Variants in ARSG observed in about 807,000 individuals in gnomAD.
ARSG encodes ASG.
Under a neutral mutation model 50.5 loss-of-function variants are expected in ARSG, and 37 were observed. The ratio of observed to expected loss-of-function variants is 0.73; its 90% CI spans 0.56 to 0.96. The LOEUF (loss-of-function observed/expected upper bound fraction) is 0.96, where lower values mean the gene tolerates loss of function less well. Among genes scored for constraint, ARSG ranks in the 50% least tolerant of loss-of-function variants. The pLI, the probability that ARSG is intolerant of heterozygous loss-of-function variation, is 0.00. For missense variants in ARSG, 629 were observed against 675.3 expected (o/e 0.93, Z 0.76); for synonymous variants, 225 against 254.6 (o/e 0.88, Z 1.11).
At chr17:68,388,665 G>A (rs1210083542) in intron 9 of ARSG, among the ~76,000 whole-genome samples, 2 of 152,144 alleles carry the variant, frequency 1.3e-5, no homozygotes, top group Admixed American at 6.5e-5. Flanking sequence ...AGTGGCTCAC[G>A]CCTGTAATCC....
At chr17:68,447,712 G>T in the ARSG span, among the ~76,000 whole-genome samples, 2,464 of 152,196 alleles carry the variant, frequency 0.016, 59 homozygotes, top group African/African-American at 0.056. Flanking sequence ...GGGATTTGGG[G>T]CCAGGTGCGG....
At chr17:68,356,004 C>T (rs994845046) in intron 5 of ARSG, among the ~76,000 whole-genome samples, 1 of 152,176 alleles carries the variant, frequency 6.6e-6, no homozygotes, top group Admixed American at 6.5e-5. Flanking sequence ...GCCTCAGCCT[C>T]CTGAGTAGCT....
intron 9 of ARSG, among the ~76,000 whole-genome samples, chr17:68,385,870 A>G (rs1026624908): frequency 2.0e-5 from 3 of 152,170 alleles, no homozygotes; most frequent in Non-Finnish European, 4.4e-5. Context: ...GATGGCCCCA[A>G]GAAAGGAGTC....
At chr17:68,264,277 C>A (rs2075118200) in intron 1 of ARSG, among the ~76,000 whole-genome samples, 1 of 152,154 alleles carries the variant, frequency 6.6e-6, no homozygotes, top group Non-Finnish European at 1.5e-5. Flanking sequence ...ACATAGAATC[C>A]ATTTTCTGTT....
chr17:68,446,207 G>T, the ARSG span, among the ~76,000 whole-genome samples: 8 of 151,626 alleles, frequency 5.3e-5, no homozygotes, highest in South Asian at 2.1e-4. Context: ...TTCAGACAGG[G>T]TCTCGTTCTG....
chr17:68,282,779 T>TAAAAAAACAAAAAAAAAAA (rs2075734299), intron 1 of ARSG, among the ~76,000 whole-genome samples: 1 of 53,398 alleles, frequency 1.9e-5, no homozygotes, highest in African/African-American at 9.3e-5. Flanking sequence ...CCATCTCTAC[T>TAAAAAAACAAAAAAAAAAA]AAAAAAAAAA....
intron 2 of ARSG, among the ~76,000 whole-genome samples, chr17:68,313,619 T>G (rs1221812693): frequency 6.6e-6 from 1 of 152,092 alleles, no homozygotes; most frequent in Non-Finnish European, 1.5e-5. Flanking sequence ...TGGATTGATA[T>G]GAAATTGAGG....
intron 1 of ARSG, among the ~76,000 whole-genome samples, chr17:68,297,731 T>C (rs532583847): frequency 7.2e-5 from 11 of 152,312 alleles, no homozygotes; most frequent in Admixed American, 2.6e-4. Context: ...CATCCCAGAG[T>C]GTTGGGATTA....
chr17:68,428,766 C>T, the ARSG span: 16 of 1,321,054 alleles, frequency 1.2e-5, no homozygotes, highest in East Asian at 2.3e-5. Flanking sequence ...TCGTTCTTGG[C>T]GAAGGGACAA....
intron 5 of ARSG, among the ~76,000 whole-genome samples, chr17:68,355,853 G>A (rs910224794): frequency 2.0e-5 from 3 of 150,606 alleles, no homozygotes; most frequent in African/African-American, 7.3e-5. Context: ...AATTAAAATT[G>A]TCCCAACCCA....
intron 1 of ARSG, among the ~76,000 whole-genome samples, chr17:68,303,159 C>G (rs1156997663): frequency 6.6e-6 from 1 of 152,184 alleles, no homozygotes; most frequent in Non-Finnish European, 1.5e-5. Context: ...GGATCTTGCT[C>G]TGTTGCCCAG....
chr17:68,364,181 T>A (rs2079431442), intron 6 of ARSG, among the ~76,000 whole-genome samples: 1 of 152,110 alleles, frequency 6.6e-6, no homozygotes, highest in Non-Finnish European at 1.5e-5. Flanking sequence ...CCCCATCCTC[T>A]TGCTCTCCTG....
chr17:68,332,218 C>T (rs2077807033), intron 2 of ARSG, among the ~76,000 whole-genome samples: 1 of 152,192 alleles, frequency 6.6e-6, no homozygotes, highest in Admixed American at 6.5e-5. Flanking sequence ...AGGGATGTTC[C>T]TTGCTGAGAA....
chr17:68,428,840 G>T, the ARSG span: 1 of 1,613,466 alleles, frequency 6.2e-7, no homozygotes, highest in South Asian at 1.1e-5. Context: ...TGTGGGTTTT[G>T]ATTAAGACAC....
chr17:68,280,201 G>T (rs868995721), intron 1 of ARSG, among the ~76,000 whole-genome samples: 3 of 109,074 alleles, frequency 2.8e-5, no homozygotes, highest in African/African-American at 7.4e-5. Context: ...AAAAAAAAAA[G>T]AATTATTTAT....
rs1387089005 is a variant in ARSG, at chr17:68,278,037, A to G, written c.-552+18611A>G. The G allele has an allele frequency of 2.3e-6, 3 of 1,293,590 alleles. No individual in the cohort carries two copies. The African/African-American group carries it at 4.5e-5, about 19-fold the overall frequency. 80.1% of individuals were successfully genotyped at this position (1,293,590 alleles called of 1,614,324 possible). On this transcript the variant is annotated intron_variant, in intron 1 of 11. Coordinates refer to the ARSG transcript ENST00000448504. ...TCGACTACCATTACCAAGGTAGCCA[A>G]ATTAAAAGGGCCCTATACTTACGTC...
intron 11 of ARSG, among the ~76,000 whole-genome samples, chr17:68,417,499 C>T (rs2082445543): frequency 6.6e-6 from 1 of 151,848 alleles, no homozygotes; most frequent in African/African-American, 2.4e-5. Context: ...ATAACTGGGC[C>T]CCACTGGAGT....
chr17:68,414,927 T>C (rs957093999), intron 11 of ARSG, among the ~76,000 whole-genome samples: 1 of 152,206 alleles, frequency 6.6e-6, no homozygotes, highest in Non-Finnish European at 1.5e-5. Flanking sequence ...TCTCTTCTTT[T>C]CTTGGTTAAT....
At chr17:68,274,174 A>G (rs2075436571) in intron 1 of ARSG, 2 of 1,290,850 alleles carry the variant, frequency 1.5e-6, no homozygotes, top group Non-Finnish European at 2.2e-6. Flanking sequence ...ATGATGTCGA[A>G]TATAAATATG....
Sources: gnomAD v4.1 joint callset for allele counts (sites outside exome capture counted in the v4.1 genomes callset) on GRCh38, gnomAD v4.1.1 for gene constraint, MANE v1.5 for transcripts, NCBI Gene and HGNC (gene_info 2026-07-23, HGNC 2026-07-21) for gene names.